Variants in SLC12A1 observed in about 807,000 individuals in gnomAD.
SLC12A1 encodes Na-K-2Cl cotransporter.
A neutral mutation model predicts 130.4 loss-of-function variants in SLC12A1; 89 were observed. The observed-to-expected ratio is 0.68, with a 90% CI of 0.58 to 0.81. The LOEUF is 0.81. SLC12A1 is among the 40% of genes least tolerant of loss of function. The probability of loss-of-function intolerance (pLI) is 0.00; values close to 1 mark genes in which losing one functional copy is unlikely to be tolerated. For synonymous variants in SLC12A1, 499 were observed against 460.0 expected (o/e 1.08, Z -1.09); for missense variants, 1,310 against 1,336.4 (o/e 0.98, Z 0.31).
chr15:48,235,012 G>A lies in SLC12A1; in HGVS notation c.1215+8G>A, dbSNP rs569216544. The A allele has an allele frequency of 1.9e-6, 3 of 1,613,492 alleles. No homozygotes were observed. The highest frequency in any genetic ancestry group is 2.7e-5 in the African/African-American group (2 of 74,882). On this transcript the variant is annotated splice_region_variant and intron_variant, in intron 9 of 26. Coordinates refer to ENST00000380993, the MANE Select transcript of SLC12A1 (RefSeq NM_000338.3). ...ATCTCAGGAGATTTGGAGGTACGTT[G>A]TTTGCTCTGCTTTGCAGTCCTGGGA... is the stretch of plus-strand genomic sequence containing the variant.
intron 25 of SLC12A1, among the ~76,000 whole-genome samples, chr15:48,300,407 C>G (rs947108001): frequency 2.0e-5 from 3 of 150,992 alleles, no homozygotes; most frequent in Non-Finnish European, 4.4e-5. Flanking sequence ...TTTTGTTTTA[C>G]TGGAACATGT....
intron 16 of SLC12A1, among the ~76,000 whole-genome samples, chr15:48,257,579 T>C (rs1224102082): frequency 5.3e-5 from 8 of 152,180 alleles, no homozygotes; most frequent in Non-Finnish European, 1.0e-4. Context: ...CAACACCACA[T>C]GAAAGCTGCC....
rs1257912563 is a variant in SLC12A1 at position 48,241,514 on chromosome 15, G to A, written c.1216-1G>A. ...TCTACCTCCACATTATTTTTTTAAA[G>A]GATCCCCAAGATGCCATCCCCAGAG... On this transcript the variant is annotated splice_acceptor_variant, in intron 9 of 26. Transcript: ENST00000380993. LOFTEE classifies it high-confidence loss of function. 5.0e-6 allele frequency: 8 copies of A among 1,609,788 alleles called. No homozygotes were observed. Among genetic ancestry groups the A allele is most frequent in the Admixed American group, 1.7e-5 (1 of 59,976 alleles).
chr15:48,222,707 G>A (rs757800572), intron 4 of SLC12A1: 1 of 152,074 alleles, frequency 6.6e-6, no homozygotes, highest in South Asian at 2.1e-4. Context: ...AAAACTTAAT[G>A]AGTTAAGTCA....
At chr15:48,287,630 C>T (rs745678427) in intron 21 of SLC12A1, among the ~76,000 whole-genome samples, 4 of 152,120 alleles carry the variant, frequency 2.6e-5, no homozygotes, top group African/African-American at 4.8e-5. Flanking sequence ...AAACCACTTA[C>T]CACATGTTAA....
chr15:48,299,472 A>G (rs186108901), intron 25 of SLC12A1, among the ~76,000 whole-genome samples, 197 bp downstream of exon 25: 1 of 152,308 alleles, frequency 6.6e-6, no homozygotes, highest in East Asian at 1.9e-4. Context: ...TTTTTCCCAT[A>G]AGGTCAATTA....
At position 48,288,501 on chromosome 15, in the gene SLC12A1, A is replaced by G. The variant is rs1263641188; in HGVS notation, c.2858A>G (p.Glu953Gly). Residue 953 changes from glutamate to glycine, a missense_variant, in exon 23 of 27, where the codon GAA becomes GGA. Physicochemically the swap from Glu to Gly is moderately conservative, Grantham distance 98. Transcript: ENST00000380993. ...IYVGGKINRI[E>G]EEKIVMASLL... Reference sequence around the variant, plus strand: ...GTGGGAGGGAAGATCAACCGCATTGAAGAAGAAAAAATTGTGTAAGTAGTT... The same window carrying G: ...GTGGGAGGGAAGATCAACCGCATTGGAGAAGAAAAAATTGTGTAAGTAGTT... 19 of 1,530,040 alleles carry G rather than the reference A, an allele frequency of 1.2e-5. No individual in the cohort carries two copies. The East Asian group carries it at 4.6e-4, about 37-fold the overall frequency. 94.8% of individuals were successfully genotyped at this position (1,530,040 alleles called of 1,614,324 possible).
intron 17 of SLC12A1, among the ~76,000 whole-genome samples, chr15:48,265,479 T>C (rs2041822700): frequency 6.6e-6 from 1 of 152,208 alleles, no homozygotes; most frequent in Non-Finnish European, 1.5e-5. Flanking sequence ...ATTCTTTCTT[T>C]TTTTTGCAGT....
At chr15:48,289,428 T>TATATATAA (rs1555386656) in intron 23 of SLC12A1, among the ~76,000 whole-genome samples, 2 of 106,824 alleles carry the variant, frequency 1.9e-5, no homozygotes, top group Non-Finnish European at 4.0e-5. Context: ...TATATATATA[T>TATATATAA]AATGTATAAC....
rs569580803 is a variant in SLC12A1 at position 48,266,377 on chromosome 15, T to A, written c.2155-1184T>A. On this transcript the variant is annotated intron_variant, in intron 17 of 26. Coordinates refer to ENST00000380993, the MANE Select transcript of SLC12A1 (RefSeq NM_000338.3). ...CATTTTAAGGATAAGATACAAAAGCTCAGAGATAAGGAATTACCTCCTCAG... is the reference window on the plus strand; with the variant it reads ...CATTTTAAGGATAAGATACAAAAGCACAGAGATAAGGAATTACCTCCTCAG... Among the ~76,000 whole-genome samples, 4 of 151,966 alleles carry A rather than the reference T, an allele frequency of 2.6e-5. No individual in the cohort carries two copies. The East Asian group carries it at 5.8e-4, about 22-fold the overall frequency.
At chr15:48,279,713 A>G (rs932125503) in intron 20 of SLC12A1, among the ~76,000 whole-genome samples, 7 of 152,232 alleles carry the variant, frequency 4.6e-5, no homozygotes, top group Admixed American at 1.3e-4. Context: ...TACTGGTAAG[A>G]AATAAAGTGA....
chr15:48,302,589 C>T (rs1404487953), intron 26 of SLC12A1, among the ~76,000 whole-genome samples, 161 bp from the exon 27 acceptor site: 1 of 118,272 alleles, frequency 8.5e-6, no homozygotes, highest in East Asian at 2.4e-4. Context: ...CACTGCAGTC[C>T]GCAGTCCGGC....
At chr15:48,251,132 G>A (rs2041643551) in intron 14 of SLC12A1, among the ~76,000 whole-genome samples, 1 of 151,996 alleles carries the variant, frequency 6.6e-6, no homozygotes, top group African/African-American at 2.4e-5. Context: ...GGTAATGGAA[G>A]CTACCAGGAA....
chr15:48,230,663 C>T (rs1233973074), intron 7 of SLC12A1, among the ~76,000 whole-genome samples, 160 bp downstream of exon 7: 2 of 152,240 alleles, frequency 1.3e-5, no homozygotes, highest in Non-Finnish European at 2.9e-5. Context: ...CTGCAAAGCA[C>T]GAAGCCCAGG....
chr15:48,226,823 C>T, intron 5 of SLC12A1: 2 of 586,304 alleles, frequency 3.4e-6, no homozygotes. Context: ...CTTAGGTAAA[C>T]TTTTTCTTTT....
chr15:48,277,776 A>C (rs1220176465), intron 20 of SLC12A1, among the ~76,000 whole-genome samples: 1 of 152,226 alleles, frequency 6.6e-6, no homozygotes, highest in Non-Finnish European at 1.5e-5. Flanking sequence ...AAAACAGGAA[A>C]GAATATGAGT....
At chr15:48,206,857 TA>T (rs942270599) in intron 1 of SLC12A1, among the ~76,000 whole-genome samples, 2 of 152,176 alleles carry the variant, frequency 1.3e-5, no homozygotes, top group East Asian at 3.9e-4. Context: ...TCTATATTCA[TA>T]TTTTTTTAAG....
At chr15:48,258,412 G>A (rs1253741851) in intron 16 of SLC12A1, among the ~76,000 whole-genome samples, 1 of 144,022 alleles carries the variant, frequency 6.9e-6, no homozygotes, top group Non-Finnish European at 1.5e-5. Flanking sequence ...CAGTTCCCAA[G>A]GAGTTCTTCA....
intron 15 of SLC12A1, among the ~76,000 whole-genome samples, chr15:48,253,367 A>C (rs553947608): frequency 6.6e-6 from 1 of 152,338 alleles, no homozygotes; most frequent in East Asian, 1.9e-4. Flanking sequence ...ACTTAGCCTC[A>C]GGCAGCTGCT....
Sources: allele counts gnomAD v4.1 joint callset (sites outside exome capture counted in the v4.1 genomes callset), GRCh38; gene constraint gnomAD v4.1.1; transcripts MANE v1.5; gene names NCBI Gene and HGNC (gene_info 2026-07-23, HGNC 2026-07-21).